The following RFX8 variants were observed in gnomAD, a reference collection of about 807,000 sequenced individuals.
RFX8 encodes DNA-binding protein RFX8.
In RFX8, 46 loss-of-function variants were observed where a neutral mutation model predicts 54.6. The observed-to-expected ratio is 0.84, with a 90% CI of 0.67 to 1.08. The LOEUF is 1.08. RFX8 is among the 50% of genes least tolerant of loss of function. RFX8 has a pLI of 0.00. For synonymous variants in RFX8, 192 were observed against 209.5 expected (o/e 0.92, Z 0.72); for missense variants, 536 against 562.3 (o/e 0.95, Z 0.47).
At chr2:101,422,222 T>C in intron 3 of RFX8, 140 bp downstream of exon 3, 1 of 609,518 alleles carries the variant, frequency 1.6e-6, no homozygotes, top group African/African-American at 1.9e-5. Flanking sequence ...CCAGGGAAGG[T>C]TGCTGGTCCT....
chr2:101,437,268 T>C (rs1201994931), intron 2 of RFX8, among the ~76,000 whole-genome samples: 1 of 151,234 alleles, frequency 6.6e-6, no homozygotes, highest in African/African-American at 2.4e-5. Flanking sequence ...AAGACCCGTC[T>C]CTTACAAAAA....
At chr2:101,413,402 T>C (rs1366628394) in intron 7 of RFX8, among the ~76,000 whole-genome samples, 2 of 151,960 alleles carry the variant, frequency 1.3e-5, no homozygotes, top group African/African-American at 4.8e-5. Flanking sequence ...GCAAGGAAGG[T>C]GTAGGTAGAG....
chr2:101,452,479 T>C, intron 2 of RFX8: 17 of 1,188,216 alleles, frequency 1.4e-5, no homozygotes, highest in Non-Finnish European at 1.7e-5. Context: ...AAGTTGCAAC[T>C]TGAAAACTTA....
chr2:101,455,265 A>T (rs1316028896), intron 2 of RFX8, among the ~76,000 whole-genome samples: 4 of 152,066 alleles, frequency 2.6e-5, no homozygotes. Context: ...CACCCACCTC[A>T]GCCTCCTAAA....
intron 8 of RFX8, 33 bp from the exon 9 acceptor site, chr2:101,410,746 T>C: frequency 1.8e-6 from 2 of 1,119,820 alleles, no homozygotes; most frequent in Non-Finnish European, 2.6e-6. Flanking sequence ...AACAAAAGAT[T>C]GCATGCAGCA....
intron 1 of RFX8, among the ~76,000 whole-genome samples, chr2:101,467,282 T>C (rs577894665): frequency 4.4e-4 from 67 of 152,268 alleles, no homozygotes; most frequent in African/African-American, 1.6e-3. Context: ...TATTCCACTT[T>C]ATGAATAAGA....
intron 2 of RFX8, among the ~76,000 whole-genome samples, chr2:101,440,492 C>T (rs570717076): frequency 4.0e-4 from 61 of 152,314 alleles, no homozygotes; most frequent in African/African-American, 1.4e-3. Flanking sequence ...GAGTCGCTAA[C>T]GGGCTTCCCT....
chr2:101,474,497 C>T (rs865944872), intron 1 of RFX8, 139 bp downstream of exon 1: 2 of 340,080 alleles, frequency 5.9e-6, no homozygotes, highest in Middle Eastern at 7.9e-4. Flanking sequence ...CCCCAACCCC[C>T]GCGCCCCGCC....
intron 2 of RFX8, among the ~76,000 whole-genome samples, chr2:101,444,644 T>C (rs982172452): frequency 1.3e-5 from 2 of 151,856 alleles, no homozygotes; most frequent in Non-Finnish European, 2.9e-5. Context: ...AATGAAAAAA[T>C]TGAAAACCTC....
rs1243377714 is a variant in RFX8, at chr2:101,405,943, C to G, written c.928G>C (p.Gly310Arg). The G allele has an allele frequency of 1.3e-6, 2 of 1,511,386 alleles. No homozygotes were observed. The highest frequency in any genetic ancestry group is 2.8e-5 in the African/African-American group (2 of 71,522). 93.6% of individuals were successfully genotyped at this position (1,511,386 alleles called of 1,614,324 possible). ...AATACTTTCTTATTCTCTGACTTACCAAAACTATCTCTGTGGCAGAGGGTC... is the reference window on the plus strand; with the variant it reads ...AATACTTTCTTATTCTCTGACTTACGAAAACTATCTCTGTGGCAGAGGGTC... Reference protein sequence around the residue: ...AMTLCHRDSFGSWHLFHLLLL... With the variant: ...AMTLCHRDSFRSWHLFHLLLL... Residue 310 changes from glycine (G) to arginine (R), a missense_variant and splice_region_variant, in exon 10 of 12, where the codon GGC becomes CGC. Physicochemically the swap from Gly to Arg is moderately radical, Grantham distance 125. Coordinates refer to ENST00000428343, the MANE Select transcript of RFX8 (RefSeq NM_001145664.2).
At chr2:101,432,546 G>A (rs1178486750) in intron 2 of RFX8, among the ~76,000 whole-genome samples, 1 of 152,222 alleles carries the variant, frequency 6.6e-6, no homozygotes, top group Non-Finnish European at 1.5e-5. Flanking sequence ...CAGGGAGCGT[G>A]AGGCCGGAGC....
At chr2:101,465,516 C>CA (rs1689524184) in intron 2 of RFX8, among the ~76,000 whole-genome samples, 1 of 151,262 alleles carries the variant, frequency 6.6e-6, no homozygotes, top group Admixed American at 6.6e-5. Context: ...CTCAAAAAAG[C>CA]AAAAAACAAA....
chr2:101,402,770 C>A lies in RFX8; in HGVS notation c.929-18G>T. ...CCAGGAGCCTACATTTAGATAATAA[C>A]CAAAAATGAATACATTTGATCGACA... On this transcript the variant is annotated intron_variant, in intron 10 of 11. Transcript: ENST00000428343. The A allele has an allele frequency of 6.5e-7, 1 of 1,526,910 alleles. No homozygotes were observed. Among genetic ancestry groups the A allele is most frequent in the Non-Finnish European group, 8.8e-7 (1 of 1,131,606 alleles). 94.6% of individuals were successfully genotyped at this position (1,526,910 alleles called of 1,614,324 possible).
Position 101,466,827 on chromosome 2 carries a change from T to C in RFX8, c.22A>G (p.Thr8Ala), listed in dbSNP as rs1164879883. The C allele has an allele frequency of 6.4e-7, 1 of 1,551,474 alleles. No individual in the cohort carries two copies. Among genetic ancestry groups the C allele is most frequent in the Non-Finnish European group, 8.7e-7 (1 of 1,146,924 alleles). MYEIYVE[T>A]CGQNTENQVN... ...TGGTTCTCAGTGTTTTGCCCACAGGTCTCCACGTAAATCTCATACATGAGA... is the reference window on the plus strand; with the variant it reads ...TGGTTCTCAGTGTTTTGCCCACAGGCCTCCACGTAAATCTCATACATGAGA... The change falls in exon 2 of 12, where the codon ACC becomes GCC. Residue 8 changes from threonine (T) to alanine (A), a missense_variant. Transcript: ENST00000428343.
At chr2:101,474,063 T>C (rs1690160657) in intron 1 of RFX8, 1 of 473,258 alleles carries the variant, frequency 2.1e-6, no homozygotes, top group Non-Finnish European at 3.7e-6. Context: ...CGGGCGAGCA[T>C]CAGAAAGCGC....
At chr2:101,439,839 A>T (rs1173347306) in intron 2 of RFX8, among the ~76,000 whole-genome samples, 1 of 151,976 alleles carries the variant, frequency 6.6e-6, no homozygotes, top group African/African-American at 2.4e-5. Context: ...GCCTCCCGAC[A>T]TGCTAGAATG....
intron 1 of RFX8, among the ~76,000 whole-genome samples, chr2:101,471,938 C>T (rs1207260185): frequency 6.6e-6 from 1 of 152,226 alleles, no homozygotes; most frequent in Non-Finnish European, 1.5e-5. Context: ...TGGTCTTTCA[C>T]TCAGACACTG....
intron 2 of RFX8, among the ~76,000 whole-genome samples, chr2:101,427,810 T>C (rs1687264174): frequency 6.6e-6 from 1 of 152,188 alleles, no homozygotes; most frequent in African/African-American, 2.4e-5. Context: ...TACAAAACTG[T>C]GTCCTACTTA....
intron 9 of RFX8, among the ~76,000 whole-genome samples, chr2:101,409,413 A>G (rs570677913): frequency 6.6e-6 from 1 of 151,244 alleles, no homozygotes; most frequent in Admixed American, 6.6e-5. Flanking sequence ...TTTTTAGTAG[A>G]GACGGGGTTT....
Sources: allele counts gnomAD v4.1 joint callset (sites outside exome capture counted in the v4.1 genomes callset), GRCh38; gene constraint gnomAD v4.1.1; transcripts MANE v1.5; gene names NCBI Gene and HGNC (gene_info 2026-07-23, HGNC 2026-07-21).